RBFOX3: variants seen among roughly 807,000 people sequenced by gnomAD.
RBFOX3 encodes RNA binding fox-1 homolog 3.
A neutral mutation model predicts 48.7 loss-of-function variants in RBFOX3; 17 were observed. That is an observed-to-expected ratio of 0.35 (90% confidence interval 0.24 to 0.52). The LOEUF (loss-of-function observed/expected upper bound fraction) is 0.52. RBFOX3 is among the 20% of genes least tolerant of loss of function. The probability of loss-of-function intolerance (pLI) is 0.94; values close to 1 mark genes in which losing one functional copy is unlikely to be tolerated. For synonymous variants in RBFOX3, 212 were observed against 209.5 expected (o/e 1.01, Z -0.10); for missense variants, 382 against 497.5 (o/e 0.77, Z 2.21).
the RBFOX3 span, among the ~76,000 whole-genome samples, chr17:79,627,083 A>G: frequency 1.3e-5 from 2 of 152,314 alleles, no homozygotes; most frequent in East Asian, 3.9e-4. Flanking sequence ...CGGTCATCTG[A>G]TTTGCCAACA....
intron 4 of RBFOX3, among the ~76,000 whole-genome samples, chr17:79,196,001 C>CCCTCAGCCTCATGCTCCA (rs1213074926): frequency 1.3e-5 from 2 of 152,176 alleles, no homozygotes; most frequent in African/African-American, 4.8e-5. Flanking sequence ...ACCCAGAGCA[C>CCCTCAGCCTCATGCTCCA]CCTCAGCCTC....
intron 1 of RBFOX3, among the ~76,000 whole-genome samples, chr17:79,595,005 T>C (rs1388568039): frequency 2.6e-5 from 4 of 152,116 alleles, no homozygotes; most frequent in East Asian, 1.9e-4. Context: ...GACTGGACCA[T>C]GTTTGGCACA....
At chr17:79,117,676 A>G (rs1008770096) in intron 4 of RBFOX3, among the ~76,000 whole-genome samples, 12 of 151,538 alleles carry the variant, frequency 7.9e-5, no homozygotes, top group African/African-American at 2.7e-4. Flanking sequence ...TGCCTCCCCC[A>G]CCCCTAGCCT....
chr17:79,469,902 G>A (rs1203260718), intron 2 of RBFOX3, among the ~76,000 whole-genome samples: 3 of 152,270 alleles, frequency 2.0e-5, no homozygotes, highest in African/African-American at 7.2e-5. Context: ...GATGGAGAAC[G>A]TGCATGAGAG....
chr17:79,617,891 C>T, the RBFOX3 span, among the ~76,000 whole-genome samples: 4 of 152,232 alleles, frequency 2.6e-5, no homozygotes, highest in East Asian at 1.9e-4. Context: ...CCCACTGCCC[C>T]GCCGCCTCTT....
chr17:79,369,760 G>A (rs537073859), intron 2 of RBFOX3, among the ~76,000 whole-genome samples: 2 of 152,118 alleles, frequency 1.3e-5, no homozygotes, highest in Non-Finnish European at 2.9e-5. Flanking sequence ...CCCAGCTCAG[G>A]CTCTCTCTGC....
chr17:79,577,064 C>G (rs2092886989), intron 1 of RBFOX3, among the ~76,000 whole-genome samples: 1 of 152,186 alleles, frequency 6.6e-6, no homozygotes, highest in Admixed American at 6.5e-5. Context: ...AGACGACTCA[C>G]AGCATGGAGG....
At chr17:79,652,352 A>C in the RBFOX3 span, among the ~76,000 whole-genome samples, 1 of 151,862 alleles carries the variant, frequency 6.6e-6, no homozygotes, top group Admixed American at 6.6e-5. Flanking sequence ...GTTAGAAAAT[A>C]AAATTGATGC....
intron 1 of RBFOX3, among the ~76,000 whole-genome samples, chr17:79,519,401 C>A (rs998199761): frequency 2.6e-5 from 4 of 152,222 alleles, no homozygotes; most frequent in Non-Finnish European, 5.9e-5. Context: ...GCTTTGCAGC[C>A]CACCCAGCTC....
chr17:79,261,560 G>A (rs2148472197), intron 3 of RBFOX3, among the ~76,000 whole-genome samples: 1 of 152,346 alleles, frequency 6.6e-6, no homozygotes, highest in South Asian at 2.1e-4. Context: ...GGATTCCCTG[G>A]AGGGCTCTCC....
chr17:79,090,855 T>TG lies in RBFOX3; in HGVS notation c.*27dup. ...TTTGTTTTTTTGTTTTTGCCCTTCA[T>TG]GGTCCGAGAAGGAAACGGTGGAAGG... On this transcript the variant is annotated 3_prime_UTR_variant, in exon 15 of 15. Coordinates refer to ENST00000693108, the MANE Select transcript of RBFOX3 (RefSeq NM_001350451.2). The TG allele has an allele frequency of 6.6e-7, 1 of 1,520,916 alleles. No homozygotes were observed. The allele number at this position is 1,520,916 out of a possible 1,614,324, so 94.2% of individuals were successfully genotyped here. A position where few individuals can be genotyped will look rare whatever the true frequency, so the allele number is the denominator to read the frequency against.
chr17:79,100,686 G>T (rs896084217), intron 9 of RBFOX3, among the ~76,000 whole-genome samples: 15 of 152,224 alleles, frequency 9.9e-5, no homozygotes. Context: ...GGCTTCTAAG[G>T]GGTCCGAGTG....
At chr17:79,316,803 C>T (rs962680416) in intron 2 of RBFOX3, among the ~76,000 whole-genome samples, 1 of 152,130 alleles carries the variant, frequency 6.6e-6, no homozygotes, top group African/African-American at 2.4e-5. Flanking sequence ...AAGTTCATAC[C>T]ATGCAATATT....
intron 1 of RBFOX3, among the ~76,000 whole-genome samples, chr17:79,503,554 GTGTGTTT>G (rs2082654518): frequency 6.6e-6 from 1 of 152,210 alleles, no homozygotes; most frequent in East Asian, 1.9e-4. Context: ...GGTACCCCAT[GTGTGTTT>G]TAGACACTCG....
At chr17:79,664,108 C>T in the RBFOX3 span, among the ~76,000 whole-genome samples, 1 of 152,034 alleles carries the variant, frequency 6.6e-6, no homozygotes, top group African/African-American at 2.4e-5. Context: ...ATGGGAAAGA[C>T]ACAGAACAGT....
At chr17:79,478,111 G>A (rs997438519) in intron 2 of RBFOX3, among the ~76,000 whole-genome samples, 28 of 152,288 alleles carry the variant, frequency 1.8e-4, no homozygotes, top group Middle Eastern at 6.8e-3. Flanking sequence ...ACGTTCCCAC[G>A]GCTCATGCGG....
At chr17:79,272,817 C>T (rs112942549) in intron 3 of RBFOX3, among the ~76,000 whole-genome samples, 158 of 152,214 alleles carry the variant, frequency 1.0e-3, no homozygotes, top group African/African-American at 3.5e-3. Context: ...GAATCCTGCC[C>T]TCTTCCTCTC....
At chr17:79,096,888 C>T (rs2075367415) in intron 11 of RBFOX3, 55 bp from the exon 12 acceptor site, 1 of 628,268 alleles carries the variant, frequency 1.6e-6, no homozygotes, top group Non-Finnish European at 2.8e-6. Flanking sequence ...CTTTCTCCCA[C>T]AAACCCCGGG....
chr17:79,375,133 G>A (rs35583900), intron 2 of RBFOX3, among the ~76,000 whole-genome samples: 7,324 of 152,264 alleles, frequency 0.048, 217 homozygotes, highest in Middle Eastern at 0.12. Context: ...ACATCCCCGG[G>A]AGCAGGAACA....
Sources: allele counts gnomAD v4.1 joint callset (sites outside exome capture counted in the v4.1 genomes callset), GRCh38; gene constraint gnomAD v4.1.1; transcripts MANE v1.5; gene names NCBI Gene and HGNC (gene_info 2026-07-23, HGNC 2026-07-21).